ADA2: variants seen among roughly 807,000 people sequenced by gnomAD.
The protein encoded by ADA2 is adenosine deaminase 2, also known as adenosine deaminase CECR1.
A neutral mutation model predicts 44.2 loss-of-function variants in ADA2; 29 were observed. That is an observed-to-expected ratio of 0.66 (90% CI 0.49 to 0.89). ADA2 has a LOEUF of 0.89. Among genes scored for constraint, ADA2 ranks in the 40% least tolerant of loss-of-function variants. The pLI is 0.00. For synonymous variants in ADA2, 215 were observed against 234.9 expected, an observed-to-expected ratio of 0.92 and a Z score of 0.77; for missense variants, 637 against 644.8, an observed-to-expected ratio of 0.99 and a Z score of 0.13.
At chr22:17,203,912 G>T in intron 3 of ADA2, 139 bp from the exon 4 acceptor site, 3 of 647,198 alleles carry the variant, frequency 4.6e-6, no homozygotes, top group Non-Finnish European at 8.4e-6. Context: ...TAAGGAAGGG[G>T]CAAAGGGGAG....
intron 7 of ADA2, 82 bp downstream of exon 7, chr22:17,188,257 C>T: frequency 3.0e-6 from 3 of 993,622 alleles, no homozygotes; most frequent in South Asian, 2.8e-5. Context: ...CCTGTAGGCT[C>T]TAACCCTGAG....
rs1368802633 is a variant in ADA2, at chr22:17,182,767, C to G, written c.1082-6G>C. The G allele has an allele frequency of 6.2e-7, 1 of 1,612,476 alleles. No homozygotes were observed. The highest frequency in any genetic ancestry group is 1.3e-5 in the African/African-American group (1 of 74,860). ...TATGGAAGTACCCTGCCAGTCTGAA[C>G]ACACGGGAATGGTCTTCCATGGGGG... is the stretch of plus-strand genomic sequence containing the variant. On this transcript the variant is annotated splice_region_variant and splice_polypyrimidine_tract_variant and intron_variant, in intron 7 of 9. Transcript: ENST00000399837.
At chr22:17,215,907 C>T (rs528151016) in intron 1 of ADA2, among the ~76,000 whole-genome samples, 9 of 151,926 alleles carry the variant, frequency 5.9e-5, no homozygotes, top group Admixed American at 5.9e-4. Context: ...GAAGACTGGC[C>T]TGGGCAACAA....
intron 6 of ADA2, 76 bp from the exon 7 acceptor site, chr22:17,188,523 T>C (rs1267570029): frequency 2.2e-6 from 2 of 898,598 alleles, no homozygotes. Context: ...CTGGAGCCTG[T>C]GCACACCCTT....
chr22:17,202,789 G>A (rs1253611714), intron 4 of ADA2, among the ~76,000 whole-genome samples: 1 of 88,936 alleles, frequency 1.1e-5, no homozygotes, highest in South Asian at 3.3e-4. Flanking sequence ...TTTTTTGTGT[G>A]TGTGTGTTTT....
chr22:17,188,524 G>A (rs1192611975), intron 6 of ADA2, 77 bp from the exon 7 acceptor site: 3 of 899,332 alleles, frequency 3.3e-6, no homozygotes, highest in Non-Finnish European at 5.4e-6. Flanking sequence ...TGGAGCCTGT[G>A]CACACCCTTC....
intron 4 of ADA2, among the ~76,000 whole-genome samples, chr22:17,195,095 C>T (rs1484181675): frequency 1.3e-5 from 2 of 152,160 alleles, no homozygotes; most frequent in Non-Finnish European, 2.9e-5. Flanking sequence ...GAAGCCCAAA[C>T]CCCTTTTCCT....
chr22:17,204,639 C>T (rs370337372), intron 3 of ADA2, among the ~76,000 whole-genome samples: 1 of 151,662 alleles, frequency 6.6e-6, no homozygotes. Flanking sequence ...AAGAAGAGAC[C>T]GCAGGAGTGC....
At chr22:17,214,192 T>C (rs1413620705) in intron 1 of ADA2, 5 of 597,278 alleles carry the variant, frequency 8.4e-6, no homozygotes, top group Non-Finnish European at 1.5e-5. Context: ...GCATCGAGGG[T>C]TGGCAAAAGG....
At chr22:17,214,560 T>C (rs185600735) in intron 1 of ADA2, among the ~76,000 whole-genome samples, 1 of 152,204 alleles carries the variant, frequency 6.6e-6, no homozygotes, top group Non-Finnish European at 1.5e-5. Context: ...CAGGGTGGCC[T>C]GTAGTATGCA....
chr22:17,191,634 C>T (rs1171596368), intron 5 of ADA2, 49 bp downstream of exon 5: 2 of 1,599,632 alleles, frequency 1.3e-6, no homozygotes, highest in South Asian at 2.3e-5. Context: ...GTAGCTCTGC[C>T]TGCATCCCAG....
chr22:17,211,196 TA>T (rs996586744), intron 1 of ADA2, among the ~76,000 whole-genome samples: 1 of 151,830 alleles, frequency 6.6e-6, no homozygotes, highest in African/African-American at 2.4e-5. Context: ...CCCGTCCTAC[TA>T]AAAATACAAA....
chr22:17,185,178 C>G (rs572453053), intron 7 of ADA2, among the ~76,000 whole-genome samples: 3 of 150,608 alleles, frequency 2.0e-5, no homozygotes, highest in Non-Finnish European at 4.4e-5. Context: ...TTTGGGAGGC[C>G]GAGGTGGGCG....
intron 1 of ADA2, among the ~76,000 whole-genome samples, chr22:17,217,725 T>C (rs1453255435): frequency 6.6e-6 from 1 of 152,126 alleles, no homozygotes; most frequent in Non-Finnish European, 1.5e-5. Context: ...TGAGAAGTTC[T>C]TGAACCTGGG....
At chr22:17,212,569 C>T (rs1401346463) in intron 1 of ADA2, among the ~76,000 whole-genome samples, 2 of 151,926 alleles carry the variant, frequency 1.3e-5, no homozygotes, top group African/African-American at 2.4e-5. Context: ...TCACCATGCC[C>T]GGCCAATCTC....
chr22:17,217,515 G>A (rs899618041), intron 1 of ADA2, among the ~76,000 whole-genome samples: 3 of 152,122 alleles, frequency 2.0e-5, no homozygotes, highest in South Asian at 2.1e-4. Context: ...CCTTTACCTG[G>A]GTTATCTATT....
chr22:17,198,645 A>T (rs2062224469), intron 4 of ADA2: 1 of 152,188 alleles, frequency 6.6e-6, no homozygotes, highest in African/African-American at 2.4e-5. Context: ...CGACTGTCAC[A>T]GGTTCTCTGC....
chr22:17,187,166 CAAAA>C (rs34453748), intron 7 of ADA2, among the ~76,000 whole-genome samples: 2 of 127,452 alleles, frequency 1.6e-5, no homozygotes. Flanking sequence ...GACTCCATCT[CAAAA>C]AAAAAAAAAA....
rs770305062 is a variant in ADA2 at position 17,181,449 on chromosome 22, G to A, written c.*34C>T. 9.4e-6 allele frequency: 13 copies of A among 1,389,934 alleles called. No individual in the cohort carries two copies. Among genetic ancestry groups the A allele is most frequent in the Non-Finnish European group, 1.3e-5 (13 of 975,372 alleles). 86.1% of individuals were successfully genotyped at this position (1,389,934 alleles called of 1,614,324 possible). Reference sequence around the variant, plus strand: ...TGAGAGGAAGTGACAGCGTGTGCAAGAAGACAGCTTGTAGAGGGCTGGCTA... The same window carrying A: ...TGAGAGGAAGTGACAGCGTGTGCAAAAAGACAGCTTGTAGAGGGCTGGCTA... On this transcript the variant is annotated 3_prime_UTR_variant, in exon 10 of 10. Coordinates refer to ENST00000399837, the MANE Select transcript of ADA2 (RefSeq NM_001282225.2).
Sources: allele counts gnomAD v4.1 joint callset (sites outside exome capture counted in the v4.1 genomes callset), GRCh38; gene constraint gnomAD v4.1.1; transcripts MANE v1.5; gene names NCBI Gene and HGNC (gene_info 2026-07-23, HGNC 2026-07-21).